The following ARHGAP15 variants were observed in gnomAD, a reference collection of about 807,000 sequenced individuals.
The protein encoded by ARHGAP15 is Rho GTPase activating protein 15.
Under a neutral mutation model 63.7 loss-of-function variants are expected in ARHGAP15, and 51 were observed. The observed-to-expected ratio is 0.80, with a 90% CI of 0.64 to 1.01. The LOEUF (loss-of-function observed/expected upper bound fraction) is 1.01. Ranked by LOEUF, ARHGAP15 falls within the 50% of genes least tolerant of loss-of-function variation. The pLI is 0.00. For synonymous variants in ARHGAP15, 191 were observed against 193.8 expected, an observed-to-expected ratio of 0.99 and a Z score of 0.12; for missense variants, 560 against 564.6, an observed-to-expected ratio of 0.99 and a Z score of 0.08.
chr2:143,522,651 T>C (rs942875990), intron 10 of ARHGAP15, among the ~76,000 whole-genome samples: 2 of 152,140 alleles, frequency 1.3e-5, no homozygotes, highest in Non-Finnish European at 2.9e-5. Flanking sequence ...AGAATTGTCT[T>C]GGGCTACACA....
chr2:143,364,440 T>C (rs1045775785), intron 6 of ARHGAP15, among the ~76,000 whole-genome samples: 4 of 152,190 alleles, frequency 2.6e-5, no homozygotes, highest in African/African-American at 9.7e-5. Flanking sequence ...TTAAGAAATA[T>C]TTATTAAACA....
rs184386544 is a variant in ARHGAP15 at position 143,759,360 on chromosome 2, G to A, written c.1245-8629G>A. On this transcript the variant is annotated intron_variant, in intron 13 of 13. Transcript: ENST00000295095. ...CTCTTCCATATAAGGTAATGATGAAGTGATATATATTACATATATAAGTCA... is the reference window on the plus strand; with the variant it reads ...CTCTTCCATATAAGGTAATGATGAAATGATATATATTACATATATAAGTCA... Among the ~76,000 whole-genome samples the A allele has an allele frequency of 7.2e-5, 11 of 152,234 alleles. No homozygotes were observed. In the East Asian group the frequency reaches 1.9e-3, roughly 27 times the overall value.
At chr2:143,188,845 C>T (rs987689546) in intron 2 of ARHGAP15, among the ~76,000 whole-genome samples, 2 of 151,692 alleles carry the variant, frequency 1.3e-5, no homozygotes, top group African/African-American at 2.4e-5. Flanking sequence ...AGACTGGTCT[C>T]GAACCCCTGA....
intron 6 of ARHGAP15, among the ~76,000 whole-genome samples, chr2:143,254,986 G>A (rs1680348468): frequency 6.6e-6 from 1 of 151,924 alleles, no homozygotes; most frequent in African/African-American, 2.4e-5. Flanking sequence ...TTCATTACAG[G>A]TTATAAGACA....
chr2:143,306,000 T>A (rs1683151660), intron 6 of ARHGAP15, among the ~76,000 whole-genome samples: 1 of 152,120 alleles, frequency 6.6e-6, no homozygotes, highest in African/African-American at 2.4e-5. Context: ...AAATAGTTTG[T>A]GAGAGGTACT....
intron 8 of ARHGAP15, among the ~76,000 whole-genome samples, chr2:143,478,468 CG>C (rs1413934529): frequency 1.3e-5 from 2 of 152,172 alleles, no homozygotes; most frequent in African/African-American, 4.8e-5. Flanking sequence ...TCCTTAGACA[CG>C]GTGACAGCAT....
intron 11 of ARHGAP15, among the ~76,000 whole-genome samples, chr2:143,575,954 C>T (rs1011188906): frequency 6.6e-6 from 1 of 152,066 alleles, no homozygotes; most frequent in Non-Finnish European, 1.5e-5. Context: ...TCAATTTAGC[C>T]TTCTCTAGAT....
At chr2:143,288,734 C>T (rs189492642) in intron 6 of ARHGAP15, among the ~76,000 whole-genome samples, 2 of 151,408 alleles carry the variant, frequency 1.3e-5, no homozygotes, top group Admixed American at 1.3e-4. Context: ...GACACACATA[C>T]TGATAAATAC....
chr2:143,671,404 G>A (rs1012587715), intron 12 of ARHGAP15, among the ~76,000 whole-genome samples: 1 of 152,056 alleles, frequency 6.6e-6, no homozygotes, highest in Admixed American at 6.5e-5. Context: ...TAGCTAAAGT[G>A]CATCATTCTT....
At chr2:143,423,508 T>A (rs916807165) in intron 6 of ARHGAP15, among the ~76,000 whole-genome samples, 2 of 152,040 alleles carry the variant, frequency 1.3e-5, no homozygotes, top group East Asian at 1.9e-4. Context: ...TCAGGGAGCT[T>A]AATGTGTAGA....
At chr2:143,234,926 G>A (rs1029775307) in intron 5 of ARHGAP15, among the ~76,000 whole-genome samples, 1 of 152,126 alleles carries the variant, frequency 6.6e-6, no homozygotes, top group Non-Finnish European at 1.5e-5. Flanking sequence ...ATTCTTTTAA[G>A]GGGTAATTTT....
intron 13 of ARHGAP15, among the ~76,000 whole-genome samples, chr2:143,746,673 G>T (rs1208031451): frequency 6.6e-6 from 1 of 152,196 alleles, no homozygotes; most frequent in African/African-American, 2.4e-5. Flanking sequence ...AATGCAAAGA[G>T]TTTGCAATCT....
intron 6 of ARHGAP15, among the ~76,000 whole-genome samples, chr2:143,310,452 T>C (rs192606474): frequency 8.5e-5 from 13 of 152,176 alleles, no homozygotes; most frequent in African/African-American, 3.1e-4. Flanking sequence ...ATGAAGTGCA[T>C]CTCATTACTA....
At chr2:143,243,549 A>G (rs978364110) in intron 5 of ARHGAP15, among the ~76,000 whole-genome samples, 8 of 152,284 alleles carry the variant, frequency 5.3e-5, no homozygotes, top group African/African-American at 1.4e-4. Context: ...TATTTTTATA[A>G]TGATGTAGAA....
At position 143,249,314 on chromosome 2, in the gene ARHGAP15, C is replaced by T. The variant is rs187606493; in HGVS notation, c.385-1197C>T. ...TGCCAGAAAAAAGTCTCATAATTTA[C>T]CATAAAAAAACAAATTTCTGGCTTC... On this transcript the variant is annotated intron_variant, in intron 5 of 13. Coordinates refer to ENST00000295095, the MANE Select transcript of ARHGAP15 (RefSeq NM_018460.4). Among the ~76,000 whole-genome samples the T allele has an allele frequency of 2.8e-3, 415 of 146,460 alleles. 2 individuals carry two copies. Among genetic ancestry groups the T allele is most frequent in the African/African-American group, 9.8e-3 (384 of 39,016 alleles).
At chr2:143,279,923 G>C (rs187623052) in intron 6 of ARHGAP15, among the ~76,000 whole-genome samples, 2 of 152,262 alleles carry the variant, frequency 1.3e-5, no homozygotes, top group East Asian at 3.9e-4. Context: ...ACAGTAGTTT[G>C]AGAAGCCAGT....
intron 2 of ARHGAP15, among the ~76,000 whole-genome samples, chr2:143,166,045 GAA>G (rs1690513045): frequency 1.1e-5 from 1 of 87,984 alleles, no homozygotes; most frequent in Non-Finnish European, 3.0e-5. Flanking sequence ...GGAAGAAAAA[GAA>G]AGAAAGAAAG....
chr2:143,625,441 C>A (rs1443641755), intron 12 of ARHGAP15, among the ~76,000 whole-genome samples: 1 of 151,810 alleles, frequency 6.6e-6, no homozygotes, highest in Admixed American at 6.6e-5. Flanking sequence ...TGCTTGCTCA[C>A]AATTTCAGAT....
intron 9 of ARHGAP15, among the ~76,000 whole-genome samples, chr2:143,500,239 A>C (rs1692993720): frequency 6.7e-6 from 1 of 149,332 alleles, no homozygotes; most frequent in Admixed American, 6.7e-5. Context: ...TTTTTATTTT[A>C]TATATTTTTA....
Sources: allele counts gnomAD v4.1 joint callset (sites outside exome capture counted in the v4.1 genomes callset), GRCh38; gene constraint gnomAD v4.1.1; transcripts MANE v1.5; gene names NCBI Gene and HGNC (gene_info 2026-07-23, HGNC 2026-07-21).